TOP6BL: variants seen among roughly 807,000 people sequenced by gnomAD.
TOP6BL encodes the protein type 2 DNA topoisomerase 6 subunit B-like.
chr11:66,838,528 C>T, the TOP6BL span: 1 of 1,268,666 alleles, frequency 7.9e-7, no homozygotes, highest in Non-Finnish European at 1.1e-6. Flanking sequence ...AACTATTCCA[C>T]TGTACCTTCT....
At chr11:66,825,968 A>C in the TOP6BL span, among the ~76,000 whole-genome samples, 3 of 151,948 alleles carry the variant, frequency 2.0e-5, no homozygotes, top group Non-Finnish European at 2.9e-5. Context: ...CAGCCTCCCA[A>C]GTAGCTGGGA....
the TOP6BL span, chr11:66,838,586 TG>T: frequency 2.8e-6 from 2 of 707,836 alleles, no homozygotes; most frequent in Non-Finnish European, 4.7e-6. Flanking sequence ...GCTGCCACTG[TG>T]GGTCTTCAAG....
the TOP6BL span, among the ~76,000 whole-genome samples, chr11:66,767,488 CTT>C: frequency 1.3e-5 from 2 of 152,082 alleles, no homozygotes; most frequent in African/African-American, 4.8e-5. Flanking sequence ...GCTTTTTCCT[CTT>C]TCTTCTATTC....
the TOP6BL span, among the ~76,000 whole-genome samples, chr11:66,824,239 A>G: frequency 6.6e-6 from 1 of 151,530 alleles, no homozygotes; most frequent in Non-Finnish European, 1.5e-5. Flanking sequence ...TAGTGCCTTT[A>G]TTTTTATTTT....
At chr11:66,829,461 G>A in the TOP6BL span, among the ~76,000 whole-genome samples, 1,671 of 152,126 alleles carry the variant, frequency 0.011, 14 homozygotes, top group Non-Finnish European at 0.017. Context: ...TGTAATCCCA[G>A]CTACTTAGGA....
chr11:66,753,108 G>T, the TOP6BL span, among the ~76,000 whole-genome samples: 1 of 151,990 alleles, frequency 6.6e-6, no homozygotes, highest in African/African-American at 2.4e-5. Context: ...CAGCCTGGGT[G>T]ACAGAGTGAG....
the TOP6BL span, among the ~76,000 whole-genome samples, chr11:66,797,200 G>C: frequency 1.3e-5 from 2 of 151,110 alleles, no homozygotes; most frequent in East Asian, 2.0e-4. Flanking sequence ...GGGTTTCACT[G>C]TGTTGGCCAG....
chr11:66,828,485 A>G, the TOP6BL span: 5 of 682,058 alleles, frequency 7.3e-6, no homozygotes, highest in Non-Finnish European at 1.2e-5. Flanking sequence ...GCCTTTCAGC[A>G]AGGAAGTCTG....
At chr11:66,831,996 C>CAAAA in the TOP6BL span, among the ~76,000 whole-genome samples, 6 of 46,598 alleles carry the variant, frequency 1.3e-4, no homozygotes, top group Admixed American at 2.6e-4. Context: ...GACTCTGTCT[C>CAAAA]AAAAAAAAAA....
chr11:66,789,942 C>T, the TOP6BL span, among the ~76,000 whole-genome samples: 1 of 152,242 alleles, frequency 6.6e-6, no homozygotes. Context: ...TGTCAGTGAG[C>T]TAGATACTAT....
chr11:66,838,388 G>T, the TOP6BL span: 1 of 1,613,874 alleles, frequency 6.2e-7, no homozygotes, highest in South Asian at 1.1e-5. Flanking sequence ...AGAAAAAAAG[G>T]ACTCAGCCCA....
At chr11:66,841,248 G>C in the TOP6BL span, among the ~76,000 whole-genome samples, 1 of 151,068 alleles carries the variant, frequency 6.6e-6, no homozygotes, top group African/African-American at 2.4e-5. Flanking sequence ...CCTCTGAGTA[G>C]TTGGGATTAC....
the TOP6BL span, among the ~76,000 whole-genome samples, chr11:66,753,655 C>T: frequency 6.6e-6 from 1 of 152,040 alleles, no homozygotes; most frequent in Non-Finnish European, 1.5e-5. Context: ...ATCCACCTGC[C>T]TTGGCCTCCC....
the TOP6BL span, among the ~76,000 whole-genome samples, chr11:66,772,566 C>T: frequency 7.9e-5 from 12 of 152,288 alleles, no homozygotes; most frequent in African/African-American, 2.4e-4. Context: ...GTCAGGAATT[C>T]GAGACCAGCC....
the TOP6BL span, among the ~76,000 whole-genome samples, chr11:66,805,238 A>T: frequency 6.6e-6 from 1 of 152,128 alleles, no homozygotes; most frequent in Non-Finnish European, 1.5e-5. Flanking sequence ...TGCCTCAGAA[A>T]AAATAAAAAT....
At chr11:66,837,725 A>G in the TOP6BL span, among the ~76,000 whole-genome samples, 1 of 151,556 alleles carries the variant, frequency 6.6e-6, no homozygotes, top group East Asian at 2.0e-4. Flanking sequence ...GATTACAGGC[A>G]TGAGCCACCG....
At chr11:66,764,157 GA>G in the TOP6BL span, among the ~76,000 whole-genome samples, 1 of 152,120 alleles carries the variant, frequency 6.6e-6, no homozygotes, top group Non-Finnish European at 1.5e-5. Flanking sequence ...CTATTGTCCT[GA>G]AGAGTTTGCT....
the TOP6BL span, chr11:66,756,314 T>A: frequency 9.4e-6 from 11 of 1,176,428 alleles, no homozygotes; most frequent in African/African-American, 1.3e-4. Flanking sequence ...AAATGCTACA[T>A]ACAGTTAACC....
At chr11:66,770,563 G>A in the TOP6BL span, among the ~76,000 whole-genome samples, 1 of 152,180 alleles carries the variant, frequency 6.6e-6, no homozygotes, top group African/African-American at 2.4e-5. Flanking sequence ...AATTAGCTAG[G>A]CGTGGTGGCC....
Sources: allele counts gnomAD v4.1 joint callset (sites outside exome capture counted in the v4.1 genomes callset), GRCh38; gene constraint gnomAD v4.1.1; transcripts MANE v1.5; gene names NCBI Gene and HGNC (gene_info 2026-07-23, HGNC 2026-07-21).